Variants in COL22A1 observed in about 807,000 individuals in gnomAD.
COL22A1 encodes the protein collagen alpha-1(XXII) chain.
COL22A1 carries 221 observed loss-of-function variants against 248.9 expected under a neutral mutation model. That is an observed-to-expected ratio of 0.89 (90% confidence interval 0.80 to 0.99). The LOEUF is 0.99. Among genes scored for constraint, COL22A1 ranks in the 50% least tolerant of loss-of-function variants. The pLI is 0.00. For synonymous variants in COL22A1, 891 were observed against 793.4 expected (o/e 1.12, Z -2.07); for missense variants, 2,240 against 2,179.0 (o/e 1.03, Z -0.56).
At chr8:138,613,202 C>T (rs1309078345) in intron 56 of COL22A1, among the ~76,000 whole-genome samples, 1 of 149,874 alleles carries the variant, frequency 6.7e-6, no homozygotes, top group African/African-American at 2.5e-5. Flanking sequence ...GAGCGGAGAT[C>T]ACGCCAGTGC....
intron 9 of COL22A1, 94 bp downstream of exon 9, chr8:138,811,705 G>GC: frequency 1.4e-6 from 2 of 1,460,412 alleles, no homozygotes; most frequent in Non-Finnish European, 9.6e-7. Flanking sequence ...GCCTCCTGGT[G>GC]CCCCCCTGAC....
Position 138,752,553 on chromosome 8 carries a change from G to A in COL22A1, c.2032-1042C>T, listed in dbSNP as rs191435409. Among the ~76,000 whole-genome samples the A allele has an allele frequency of 2.9e-3, 444 of 152,228 alleles. 1 individual carries two copies. The highest frequency in any genetic ancestry group is 5.2e-3 in the Non-Finnish European group (351 of 68,012). On this transcript the variant is annotated intron_variant, in intron 21 of 64. Coordinates refer to ENST00000303045, the MANE Select transcript of COL22A1 (RefSeq NM_152888.3). ...AGCTCAGGACACACAGAAAGAGAAGGCCCTAAAGGCATGAGATTTTTAAGC... is the reference window on the plus strand; with the variant it reads ...AGCTCAGGACACACAGAAAGAGAAGACCCTAAAGGCATGAGATTTTTAAGC...
chr8:138,854,910 T>C (rs949325308), intron 3 of COL22A1, among the ~76,000 whole-genome samples: 1 of 151,774 alleles, frequency 6.6e-6, no homozygotes, highest in Admixed American at 6.6e-5. Flanking sequence ...GTGGTGGTGA[T>C]GGTGATGCTG....
intron 16 of COL22A1, among the ~76,000 whole-genome samples, chr8:138,770,922 T>C (rs993941577): frequency 1.3e-5 from 2 of 152,212 alleles, no homozygotes; most frequent in Non-Finnish European, 2.9e-5. Flanking sequence ...ATAAAGCACA[T>C]GCTGCCCAGA....
chr8:138,729,372 G>C (rs957013369), intron 23 of COL22A1, among the ~76,000 whole-genome samples: 3 of 152,110 alleles, frequency 2.0e-5, no homozygotes, highest in African/African-American at 7.2e-5. Context: ...TCTAAATATG[G>C]GTTTGAAGAT....
Position 138,762,021 on chromosome 8 carries a change from G to A in COL22A1, c.1857+392C>T, listed in dbSNP as rs532943249. On this transcript the variant is annotated intron_variant, in intron 17 of 64. Transcript: ENST00000303045. ...TGTCCTCAGCCTCATAGCACTCTCT[G>A]TGTCGATGCCTCCTGATTTATTTAA... 3.3e-5 allele frequency among the ~76,000 whole-genome samples: 5 copies of A among 152,314 alleles called. No individual in the cohort carries two copies. In the South Asian group the frequency reaches 1.0e-3, roughly 32 times the overall value.
chr8:138,830,232 G>A (rs149773018), intron 5 of COL22A1, among the ~76,000 whole-genome samples: 9 of 152,284 alleles, frequency 5.9e-5, no homozygotes, highest in Non-Finnish European at 1.3e-4. Flanking sequence ...GTCCCATTTT[G>A]AGTCTCAAAT....
At chr8:138,730,867 TGAGC>T (rs1830659035) in intron 23 of COL22A1, among the ~76,000 whole-genome samples, 1 of 150,802 alleles carries the variant, frequency 6.6e-6, no homozygotes, top group African/African-American at 2.4e-5. Flanking sequence ...ATGGAGCTGC[TGAGC>T]CATGGCTAGA....
chr8:138,891,338 T>C lies in COL22A1; in HGVS notation c.-72-8094A>G, dbSNP rs552071942. Among the ~76,000 whole-genome samples, 5 of 152,320 alleles carry C rather than the reference T, an allele frequency of 3.3e-5. No homozygotes were observed. The Middle Eastern group carries it at 0.01, about 311-fold the overall frequency. On this transcript the variant is annotated intron_variant, in intron 1 of 64. Transcript: ENST00000303045. Reference sequence around the variant, plus strand: ...TACTAATCACCCCCTTTACCAGTGATGAACCTGGGTTCAGGGAGGATAGAC... The same window carrying C: ...TACTAATCACCCCCTTTACCAGTGACGAACCTGGGTTCAGGGAGGATAGAC...
intron 3 of COL22A1, among the ~76,000 whole-genome samples, chr8:138,872,392 C>A (rs1484444400): frequency 1.3e-5 from 2 of 152,136 alleles, no homozygotes; most frequent in African/African-American, 4.8e-5. Context: ...GCCCAAAAGT[C>A]CAAGTGCAAA....
chr8:138,732,123 GC>G (rs899095820), intron 23 of COL22A1, among the ~76,000 whole-genome samples: 1 of 152,172 alleles, frequency 6.6e-6, no homozygotes, highest in Non-Finnish European at 1.5e-5. Context: ...GGACTAGAAA[GC>G]CCCTTTCCCT....
chr8:138,786,644 G>A (rs974855056), intron 12 of COL22A1, among the ~76,000 whole-genome samples: 20 of 152,148 alleles, frequency 1.3e-4, no homozygotes, highest in Admixed American at 7.2e-4. Context: ...AGTGGCTCAC[G>A]CTTGTAATCC....
intron 12 of COL22A1, among the ~76,000 whole-genome samples, chr8:138,788,250 T>C (rs534563923): frequency 1.6e-4 from 25 of 152,272 alleles, no homozygotes; most frequent in African/African-American, 4.1e-4. Flanking sequence ...TCCAGGTGAT[T>C]TGGAAGTTGT....
At chr8:138,693,612 TC>T (rs781551648) in intron 35 of COL22A1, 33 bp downstream of exon 35, 68 of 1,559,514 alleles carry the variant, frequency 4.4e-5, no homozygotes, top group Non-Finnish European at 5.8e-5. Context: ...CCTCCGGGGC[TC>T]CCCCACGAGG....
rs1046374502 is a variant in COL22A1 at position 138,700,713 on chromosome 8, G to A, written c.2560-569C>T. On this transcript the variant is annotated intron_variant, in intron 31 of 64. Coordinates refer to ENST00000303045, the MANE Select transcript of COL22A1 (RefSeq NM_152888.3). ...CTGTGTTTAAGGCTAGGTCGGGCGC[G>A]GTGGCTCACGCCTGAAATCCCAGCA... Among the ~76,000 whole-genome samples, 59 of 152,282 alleles carry A rather than the reference G, an allele frequency of 3.9e-4. 1 individual carries two copies. The highest frequency in any genetic ancestry group is 3.4e-3 in the Middle Eastern group (1 of 294).
chr8:138,731,113 C>A (rs1830674595), intron 23 of COL22A1, among the ~76,000 whole-genome samples: 1 of 151,982 alleles, frequency 6.6e-6, no homozygotes, highest in South Asian at 2.1e-4. Flanking sequence ...ACCAGCCTGG[C>A]CAACATGGAG....
rs9324499 is a variant in COL22A1, at chr8:138,906,369, C to CAAA, written c.-73+7247_-73+7249dup. 2.3e-3 allele frequency among the ~76,000 whole-genome samples: 326 copies of CAAA among 143,926 alleles called. 4 individuals carry two copies. The highest frequency in any genetic ancestry group is 3.6e-3 in the Middle Eastern group (1 of 274). 94.4% of individuals were successfully genotyped at this position (143,926 alleles called of 152,430 possible). On this transcript the variant is annotated intron_variant, in intron 1 of 64. Coordinates refer to ENST00000303045, the MANE Select transcript of COL22A1 (RefSeq NM_152888.3). ...TGGGTGACAGAGCATGACTCCGTCT[C>CAAA]AAAAAAAAAAAATTACCTACATATT...
intron 62 of COL22A1, among the ~76,000 whole-genome samples, chr8:138,594,916 C>A (rs1817398722): frequency 1.3e-5 from 2 of 152,142 alleles, no homozygotes; most frequent in Admixed American, 1.3e-4. Context: ...TCCTATACAT[C>A]TAAAATGTTA....
chr8:138,678,984 T>C (rs572686336), intron 40 of COL22A1, among the ~76,000 whole-genome samples: 58 of 152,302 alleles, frequency 3.8e-4, no homozygotes, highest in Admixed American at 8.5e-4. Context: ...GGTGTAATCA[T>C]GGCTCACTGC....
Sources: gnomAD v4.1 joint callset for allele counts (sites outside exome capture counted in the v4.1 genomes callset) on GRCh38, gnomAD v4.1.1 for gene constraint, MANE v1.5 for transcripts, NCBI Gene and HGNC (gene_info 2026-07-23, HGNC 2026-07-21) for gene names.